ANKRD36: variants seen among roughly 807,000 people sequenced by gnomAD.
The protein encoded by ANKRD36 is ankyrin repeat domain 36.
Under a neutral mutation model 278.1 loss-of-function variants are expected in ANKRD36, and 179 were observed. The observed-to-expected ratio is 0.64, with a 90% confidence interval of 0.57 to 0.73. The LOEUF (loss-of-function observed/expected upper bound fraction) is 0.73, where lower values mean the gene tolerates loss of function less well. ANKRD36 is among the 30% of genes least tolerant of loss of function. The pLI is 0.00. For synonymous variants in ANKRD36, 320 were observed against 641.1 expected, an observed-to-expected ratio of 0.50 and a Z score of 7.57; for missense variants, 1,159 against 1,956.7, an observed-to-expected ratio of 0.59 and a Z score of 7.69.
chr2:97,262,953 G>C (rs1402809517), intron 75 of ANKRD36, among the ~76,000 whole-genome samples: 1 of 144,882 alleles, frequency 6.9e-6, no homozygotes, highest in African/African-American at 2.4e-5. Context: ...AAATTACCTA[G>C]TCTCAGCTAA....
intron 67 of ANKRD36, among the ~76,000 whole-genome samples, chr2:97,227,090 G>T (rs1336379313): frequency 6.6e-6 from 1 of 152,138 alleles, no homozygotes; most frequent in Non-Finnish European, 1.5e-5. Flanking sequence ...TTTGGCTAAG[G>T]ATTGACTTAG....
intron 44 of ANKRD36, among the ~76,000 whole-genome samples, chr2:97,199,517 T>G (rs1377386068): frequency 1.1e-4 from 17 of 151,948 alleles, no homozygotes; most frequent in Non-Finnish European, 2.2e-4. Flanking sequence ...GAATTCCAAT[T>G]AACTCCTAAA....
At chr2:97,134,011 G>T (rs931787933) in intron 6 of ANKRD36, among the ~76,000 whole-genome samples, 12 of 150,722 alleles carry the variant, frequency 8.0e-5, no homozygotes, top group Admixed American at 2.6e-4. Context: ...TATAATAAAT[G>T]TACCCGCCAT....
chr2:97,150,673 TGAAAAG>T (rs2045677066), intron 12 of ANKRD36, among the ~76,000 whole-genome samples: 2 of 151,966 alleles, frequency 1.3e-5, no homozygotes, highest in African/African-American at 4.8e-5. Context: ...TTAGAAAAGA[TGAAAAG>T]GAAATAGGAG....
chr2:97,215,862 A>G, intron 62 of ANKRD36: 1 of 561,802 alleles, frequency 1.8e-6, no homozygotes, highest in South Asian at 2.3e-5. Flanking sequence ...ATATTGTTAT[A>G]AACAGAGGGA....
Position 97,194,708 on chromosome 2 carries a change from A to G in ANKRD36, c.2450-18A>G. 1.2e-6 allele frequency: 2 copies of G among 1,604,646 alleles called. No individual in the cohort carries two copies. Among genetic ancestry groups the G allele is most frequent in the Non-Finnish European group, 1.7e-6 (2 of 1,178,374 alleles). ...CATATTTACATGTGAGTGATTATGT[A>G]TCCCTTTTGCTTTTCAGTGTCTTCT... On this transcript the variant is annotated intron_variant, in intron 38 of 75. Coordinates refer to ENST00000420699, the MANE Select transcript of ANKRD36 (RefSeq NM_001354587.1).
At chr2:97,231,749 C>G (rs1340611465) in intron 67 of ANKRD36, among the ~76,000 whole-genome samples, 2 of 152,128 alleles carry the variant, frequency 1.3e-5, no homozygotes, top group African/African-American at 4.8e-5. Flanking sequence ...GAGCTGTAGA[C>G]TGGAGCTGTT....
chr2:97,170,152 C>G (rs2051997143), intron 22 of ANKRD36, among the ~76,000 whole-genome samples: 1 of 151,862 alleles, frequency 6.6e-6, no homozygotes, highest in Non-Finnish European at 1.5e-5. Flanking sequence ...TTTGACAAAC[C>G]TGACAAAAAG....
chr2:97,177,038 C>G (rs1338311755), intron 22 of ANKRD36, among the ~76,000 whole-genome samples: 1 of 151,512 alleles, frequency 6.6e-6, no homozygotes, highest in Non-Finnish European at 1.5e-5. Flanking sequence ...CAACAACAGA[C>G]AAACAGAGAG....
In ANKRD36 at chr2:97,192,999, G is replaced by T; in HGVS notation, c.2395G>T (p.Gly799Cys). The change falls in exon 38 of 76, where the codon GGT (glycine) becomes TGT (cysteine). Residue 799 changes from glycine (G) to cysteine (C), a missense_variant. Transcript: ENST00000420699. ...PALTATSDEE[G>C]SVLSIARENK... ...CATTCAGGCTACAAGTGACGAGGAA[G>T]GTTCTGTTTTGAGTATAGCCAGAGA... 6.3e-7 allele frequency: 1 copy of T among 1,579,280 alleles called. No individual in the cohort carries two copies. The highest frequency in any genetic ancestry group is 8.6e-7 in the Non-Finnish European group (1 of 1,162,516).
intron 6 of ANKRD36, among the ~76,000 whole-genome samples, chr2:97,129,588 G>A (rs960597109): frequency 7.2e-5 from 11 of 151,928 alleles, no homozygotes; most frequent in African/African-American, 2.7e-4. Flanking sequence ...TTTCTTGTAG[G>A]GTTTTTATGG....
At chr2:97,147,559 T>C (rs1010107570) in intron 11 of ANKRD36, among the ~76,000 whole-genome samples, 5 of 151,888 alleles carry the variant, frequency 3.3e-5, no homozygotes, top group Non-Finnish European at 7.4e-5. Context: ...ATTATTTGGA[T>C]ACAGTAAATC....
intron 69 of ANKRD36, among the ~76,000 whole-genome samples, 185 bp from the exon 70 acceptor site, chr2:97,243,661 G>GT (rs1464408250): frequency 1.8e-5 from 2 of 111,410 alleles, no homozygotes; most frequent in African/African-American, 6.1e-5. Context: ...GTCTCGTAAG[G>GT]TTATGCCAGA....
At position 97,181,765 on chromosome 2, in the gene ANKRD36, A is replaced by T. The variant is rs780232924; in HGVS notation, c.1809A>T (p.Glu603Asp). 4.3e-6 allele frequency: 7 copies of T among 1,609,510 alleles called. No individual in the cohort carries two copies. Among genetic ancestry groups the T allele is most frequent in the Non-Finnish European group, 5.1e-6 (6 of 1,178,200 alleles). Residue 603 changes from glutamate (E) to aspartate (D), a missense_variant, in exon 26 of 76, where the codon GAA (glutamate) becomes GAT (aspartate). Glu to Asp is a conservative substitution (Grantham distance 45). Transcript: ENST00000420699. ...EKDSVSNIAT[E>D]IKKGQQSGTV... is the part of the protein sequence containing the mutation. ...ATTCTGTTTCAAATATAGCCACAGA[A>T]ATAAAGAAGGGACAACAATCTGGGA...
Position 97,243,902 on chromosome 2 carries a change from AAGTT to A in ANKRD36, c.4367_4370del (p.Val1456GlyfsTer4), listed in dbSNP as rs2075019499. ...AGAAATGTTGAAGAGGTGCACCAAA[AAGTT>A]AGGGAAAAGTTAAGAATAACAGAAG... On this transcript the variant is annotated frameshift_variant, in exon 70 of 76. Coordinates refer to ENST00000420699, the MANE Select transcript of ANKRD36 (RefSeq NM_001354587.1). LOFTEE classifies it high-confidence loss of function. 1 of 1,606,950 alleles carries A rather than the reference AAGTT, an allele frequency of 6.2e-7. No individual in the cohort carries two copies. Among genetic ancestry groups the A allele is most frequent in the African/African-American group, 1.4e-5 (1 of 73,910 alleles).
In ANKRD36 at chr2:97,211,968, C is replaced by CATCT. The variant is rs1337152845; in HGVS notation, c.3469+228_3469+231dup. Reference sequence around the variant, plus strand: ...GTACTTTGAAATTGGGAAAAAGAACCATCTGACAGCAATTCAACACATAAC... The same window carrying CATCT: ...GTACTTTGAAATTGGGAAAAAGAACCATCTATCTGACAGCAATTCAACACATAAC... On this transcript the variant is annotated intron_variant, in intron 58 of 75. Coordinates refer to ENST00000420699, the MANE Select transcript of ANKRD36 (RefSeq NM_001354587.1). 7.6e-4 allele frequency among the ~76,000 whole-genome samples: 116 copies of CATCT among 151,944 alleles called. 2 individuals are homozygous for CATCT. Among genetic ancestry groups the CATCT allele is most frequent in the African/African-American group, 2.6e-3 (110 of 41,524 alleles).
intron 67 of ANKRD36, among the ~76,000 whole-genome samples, chr2:97,231,483 C>A (rs1259633050): frequency 9.9e-5 from 15 of 152,152 alleles, no homozygotes; most frequent in African/African-American, 3.6e-4. Context: ...TTAAGCCCGT[C>A]GGAAAAGTGC....
chr2:97,206,953 A>C (rs2063024315), intron 52 of ANKRD36, among the ~76,000 whole-genome samples: 2 of 151,548 alleles, frequency 1.3e-5, no homozygotes, highest in Admixed American at 1.3e-4. Flanking sequence ...TGATACTCCC[A>C]AGAAGGCTAT....
chr2:97,206,907 A>C (rs1362071933), intron 52 of ANKRD36, among the ~76,000 whole-genome samples: 3 of 151,504 alleles, frequency 2.0e-5, no homozygotes, highest in Non-Finnish European at 4.4e-5. Flanking sequence ...TCTTGGATAC[A>C]ATAGCTATTT....
Sources: gnomAD v4.1 joint callset for allele counts (sites outside exome capture counted in the v4.1 genomes callset) on GRCh38, gnomAD v4.1.1 for gene constraint, MANE v1.5 for transcripts, NCBI Gene and HGNC (gene_info 2026-07-23, HGNC 2026-07-21) for gene names.